The following PCNX2 variants were observed in gnomAD, a reference collection of about 807,000 sequenced individuals.
The protein encoded by PCNX2 is pecanex-like protein 2.
In PCNX2, 168 loss-of-function variants were observed where a neutral mutation model predicts 223.8. The ratio of observed to expected loss-of-function variants is 0.75; its 90% CI spans 0.66 to 0.85. The LOEUF is 0.85. Ranked by LOEUF, PCNX2 falls within the 40% of genes least tolerant of loss-of-function variation. PCNX2 has a pLI of 0.00. For missense variants in PCNX2, 2,507 were observed against 2,675.5 expected (o/e 0.94, Z 1.39); for synonymous variants, 1,006 against 1,052.6 (o/e 0.96, Z 0.86).
intron 1 of PCNX2, among the ~76,000 whole-genome samples, chr1:233,279,389 TTGTGTGTGTGTGTG>T (rs57288356): frequency 2.1e-5 from 3 of 142,592 alleles, no homozygotes; most frequent in Non-Finnish European, 4.6e-5. Flanking sequence ...TAATTTGTGT[TTGTGTGTGTGTGTG>T]TGTGTGTGTG....
At chr1:233,095,925 A>T in intron 21 of PCNX2, 62 bp from the exon 22 acceptor site, 1 of 1,240,138 alleles carries the variant, frequency 8.1e-7, no homozygotes, top group South Asian at 1.3e-5. Flanking sequence ...AACTGCATCA[A>T]GGTCACTTAA....
chr1:233,200,056 G>T, intron 14 of PCNX2, 98 bp downstream of exon 14: 1 of 998,314 alleles, frequency 1.0e-6, no homozygotes, highest in Non-Finnish European at 1.4e-6. Flanking sequence ...TCAGGACAAA[G>T]AAAACCTAAC....
intron 12 of PCNX2, among the ~76,000 whole-genome samples, chr1:233,214,827 C>T (rs562924536): frequency 6.6e-6 from 1 of 152,252 alleles, no homozygotes; most frequent in East Asian, 1.9e-4. Flanking sequence ...GCTACTGTAT[C>T]ATACCTGTTG....
In PCNX2 at chr1:233,231,759, T is replaced by C; in HGVS notation, c.2359-4388A>G. The C allele has an allele frequency of 4.2e-6, 3 of 715,616 alleles. No individual in the cohort carries two copies. The African/African-American group carries it at 5.8e-5, about 14-fold the overall frequency. 44.3% of individuals were successfully genotyped at this position (715,616 alleles called of 1,614,324 possible). A position where few individuals can be genotyped will look rare whatever the true frequency, so the allele number is the denominator to read the frequency against. ...GGGAAGGCAGGGTTGGTAGGGACTC[T>C]GGTGTTAGAAATAGAATTTTGAGAA... is the stretch of plus-strand genomic sequence containing the variant. On this transcript the variant is annotated intron_variant, in intron 9 of 33. Coordinates refer to ENST00000258229, the MANE Select transcript of PCNX2 (RefSeq NM_014801.4).
intron 31 of PCNX2, 124 bp from the exon 32 acceptor site, chr1:232,998,562 G>A: frequency 1.0e-6 from 1 of 964,340 alleles, no homozygotes; most frequent in Non-Finnish European, 1.5e-6. Context: ...TAGCCCACCT[G>A]GCATGCTGGT....
intron 15 of PCNX2, among the ~76,000 whole-genome samples, chr1:233,181,758 T>A (rs1679814310): frequency 6.6e-6 from 1 of 152,170 alleles, no homozygotes; most frequent in East Asian, 1.9e-4. Context: ...TGTTCTCACA[T>A]GGTAGAAGAT....
At chr1:233,269,130 G>A (rs1483931262) in intron 1 of PCNX2, among the ~76,000 whole-genome samples, 1 of 152,168 alleles carries the variant, frequency 6.6e-6, no homozygotes, top group African/African-American at 2.4e-5. Context: ...AATTCCTTAT[G>A]TTTGACTCTT....
chr1:233,270,830 C>T (rs893550688), intron 1 of PCNX2, among the ~76,000 whole-genome samples: 3 of 151,866 alleles, frequency 2.0e-5, no homozygotes, highest in Admixed American at 6.6e-5. Flanking sequence ...GATGGTGCTA[C>T]AGGGAATGGT....
intron 15 of PCNX2, chr1:233,180,696 G>T (rs1294971850): frequency 1.5e-4 from 23 of 152,160 alleles, no homozygotes; most frequent in Admixed American, 1.4e-3. Context: ...AAATTAAAAT[G>T]TATTTCTTTT....
At position 233,295,635 on chromosome 1, in the gene PCNX2, A is replaced by T; in HGVS notation, c.-157T>A. 5.0e-6 allele frequency: 4 copies of T among 803,462 alleles called. No individual in the cohort carries two copies. Among genetic ancestry groups the T allele is most frequent in the Non-Finnish European group, 6.7e-6 (4 of 592,960 alleles). The allele number at this position is 803,462 out of a possible 1,614,324, so 49.8% of individuals were successfully genotyped here. ...GCCGCCTCCTTCCACCCCACGTTTG[A>T]AGCTGGAGCTGCTCTTCCGCCCGGA... On this transcript the variant is annotated 5_prime_UTR_variant, in exon 1 of 34. Coordinates refer to ENST00000258229, the MANE Select transcript of PCNX2 (RefSeq NM_014801.4). This position sits in a 1 kb window ranked among gnomAD's most constrained non-coding sequence, Gnocchi z 4.1.
intron 28 of PCNX2, among the ~76,000 whole-genome samples, chr1:233,007,056 A>G (rs1474997): frequency 0.44 from 66,423 of 151,414 alleles, 16,138 homozygotes; most frequent in African/African-American, 0.65. Context: ...TCCTGCTGCA[A>G]TTCCCCAAAC....
chr1:233,143,885 C>T (rs1272380822), intron 19 of PCNX2, among the ~76,000 whole-genome samples: 2 of 152,108 alleles, frequency 1.3e-5, no homozygotes, highest in Non-Finnish European at 1.5e-5. Context: ...TTGCAATGAT[C>T]CCCCATTCTC....
In PCNX2 at chr1:233,014,656, C is replaced by A. The variant is rs571113775; in HGVS notation, c.4952+9G>T. The A allele has an allele frequency of 6.2e-7, 1 of 1,611,548 alleles. No individual in the cohort carries two copies. The highest frequency in any genetic ancestry group is 2.2e-5 in the East Asian group (1 of 44,870). ...TACCTAAGAGATTCTAACTTCTCCCCCCAGGTACCTGATGGCCATATTGTG... is the reference window on the plus strand; with the variant it reads ...TACCTAAGAGATTCTAACTTCTCCCACCAGGTACCTGATGGCCATATTGTG... On this transcript the variant is annotated intron_variant, in intron 28 of 33. Transcript: ENST00000258229.
At position 233,116,998 on chromosome 1, in the gene PCNX2, T is replaced by A. The variant is rs367687644; in HGVS notation, c.3837+18015A>T. On this transcript the variant is annotated intron_variant, in intron 21 of 33. Transcript: ENST00000258229. Reference sequence around the variant, plus strand: ...TAGAAAGGGCAATAAGGGAATACTATGAACAACAACACATAGTACAACAGA... The same window carrying A: ...TAGAAAGGGCAATAAGGGAATACTAAGAACAACAACACATAGTACAACAGA... 7.2e-5 allele frequency among the ~76,000 whole-genome samples: 11 copies of A among 152,300 alleles called. 1 individual carries two copies. The South Asian group carries it at 2.3e-3, about 32-fold the overall frequency.
intron 21 of PCNX2, among the ~76,000 whole-genome samples, chr1:233,102,571 T>A (rs939254639): frequency 6.6e-6 from 1 of 152,166 alleles, no homozygotes; most frequent in Non-Finnish European, 1.5e-5. Flanking sequence ...TGGGGTGAGA[T>A]GATAGCTGAT....
intron 23 of PCNX2, among the ~76,000 whole-genome samples, chr1:233,070,366 G>A (rs977228739): frequency 1.3e-5 from 2 of 152,012 alleles, no homozygotes; most frequent in South Asian, 2.1e-4. Flanking sequence ...ATTTCATGAA[G>A]CTAGTATTTA....
At chr1:233,250,959 G>A (rs2102985857) in intron 7 of PCNX2, 127 bp from the exon 8 acceptor site, 2 of 995,852 alleles carry the variant, frequency 2.0e-6, no homozygotes, top group East Asian at 5.6e-5. Flanking sequence ...TTGACAATCG[G>A]GGTCCATTCT....
intron 27 of PCNX2, among the ~76,000 whole-genome samples, chr1:233,015,360 CT>C (rs1418623449): frequency 1.3e-5 from 2 of 152,144 alleles, no homozygotes; most frequent in Non-Finnish European, 2.9e-5. Flanking sequence ...CAAGACCATC[CT>C]GGGCAACATA....
At chr1:233,289,868 C>G (rs780969915) in intron 1 of PCNX2, among the ~76,000 whole-genome samples, 1 of 152,216 alleles carries the variant, frequency 6.6e-6, no homozygotes, top group African/African-American at 2.4e-5. Flanking sequence ...GCCTGCTATG[C>G]GAGGCTGCGC....
Sources: gnomAD v4.1 joint callset for allele counts (sites outside exome capture counted in the v4.1 genomes callset) on GRCh38, gnomAD v4.1.1 for gene constraint, Gnocchi (gnomAD v3.1) non-coding constraint, MANE v1.5 for transcripts, NCBI Gene and HGNC (gene_info 2026-07-23, HGNC 2026-07-21) for gene names.